Variants in DCN observed in about 807,000 individuals in gnomAD.
DCN encodes the protein bone proteoglycan II.
In DCN, 17 loss-of-function variants were observed where a neutral mutation model predicts 36.5. The ratio of observed to expected loss-of-function variants is 0.47; its 90% CI spans 0.32 to 0.70. The LOEUF (loss-of-function observed/expected upper bound fraction) is 0.70. DCN is among the 30% of genes least tolerant of loss of function. The pLI is 0.04. For missense variants in DCN, 389 were observed against 430.1 expected, an observed-to-expected ratio of 0.90 and a Z score of 0.84; for synonymous variants, 163 against 161.4, an observed-to-expected ratio of 1.01 and a Z score of -0.07.
chr12:91,144,814 C>T lies in DCN; in HGVS notation c.*1244G>A, dbSNP rs1017722924. On this transcript the variant is annotated 3_prime_UTR_variant, in exon 8 of 8. Transcript: ENST00000052754. ...CTCAAGTTTTTCATGTTCCACTGCA[C>T]TCATTCTGCTACTATTAGCAGAATT... 4 of 152,158 alleles carry T rather than the reference C, an allele frequency of 2.6e-5. No homozygotes were observed. The highest frequency in any genetic ancestry group is 5.9e-5 in the Non-Finnish European group (4 of 68,032). The allele number at this position is 152,158 out of a possible 1,614,324, so 9.4% of individuals were successfully genotyped here. A position where few individuals can be genotyped will look rare whatever the true frequency, so the allele number is the denominator to read the frequency against.
chr12:91,178,636 G>T, intron 1 of DCN, 51 bp from the exon 2 acceptor site: 1 of 1,139,890 alleles, frequency 8.8e-7, no homozygotes, highest in Non-Finnish European at 1.3e-6. Context: ...TAATCTGTGT[G>T]TCGTTTCTTA....
chr12:91,173,263 G>A (rs1883087671), intron 2 of DCN, among the ~76,000 whole-genome samples: 1 of 152,124 alleles, frequency 6.6e-6, no homozygotes, highest in Non-Finnish European at 1.5e-5. Flanking sequence ...CCTGGAGCTA[G>A]GGATGTTCTT....
rs369704080 is a variant in DCN at position 91,160,669 on chromosome 12, A to G, written c.325-2160T>C. ...TTATAAGAATTAAATAAGTTAATGTATATAAGGTACTAAGAATAGTGCCTA... is the reference window on the plus strand; with the variant it reads ...TTATAAGAATTAAATAAGTTAATGTGTATAAGGTACTAAGAATAGTGCCTA... On this transcript the variant is annotated intron_variant, in intron 3 of 7. Coordinates refer to ENST00000052754, the MANE Select transcript of DCN (RefSeq NM_001920.5). Among the ~76,000 whole-genome samples the G allele has an allele frequency of 4.6e-5, 7 of 152,258 alleles. No homozygotes were observed. The South Asian group carries it at 1.4e-3, about 32-fold the overall frequency.
At position 91,158,400 on chromosome 12, in the gene DCN, G is replaced by T; in HGVS notation, c.434C>A (p.Pro145Gln). 1 of 1,611,724 alleles carries T rather than the reference G, an allele frequency of 6.2e-7. No homozygotes were observed. The highest frequency in any genetic ancestry group is 8.5e-7 in the Non-Finnish European group (1 of 1,177,898). The change falls in exon 4 of 8, where the codon CCA (proline) becomes CAA (glutamine). Residue 145 changes from proline to glutamine, a missense_variant. Transcript: ENST00000052754. Reference protein sequence around the residue: ...YLSKNQLKELPEKMPKTLQEL... With the variant: ...YLSKNQLKELQEKMPKTLQEL... Reference sequence around the variant, plus strand: ...CTGAAGAGTTTTGGGCATTTTTTCTGGCAATTCCTTCAGCTGATTCTTGGA... The same window carrying T: ...CTGAAGAGTTTTGGGCATTTTTTCTTGCAATTCCTTCAGCTGATTCTTGGA...
chr12:91,179,596 G>A (rs999378955), intron 1 of DCN: 1 of 152,012 alleles, frequency 6.6e-6, no homozygotes, highest in African/African-American at 2.4e-5. Context: ...TTCTGTACCC[G>A]GGCCTTGCAC....
chr12:91,170,546 C>G (rs3138197), intron 2 of DCN, among the ~76,000 whole-genome samples: 1 of 152,294 alleles, frequency 6.6e-6, no homozygotes, highest in East Asian at 1.9e-4. Context: ...AGCACATGAT[C>G]CCCAATGAGT....
chr12:91,142,053 G>T lies in DCN; in HGVS notation c.*4005C>A, dbSNP rs1880769769. The T allele has an allele frequency of 6.6e-6, 1 of 152,166 alleles. No individual in the cohort carries two copies. 9.4% of individuals were successfully genotyped at this position (152,166 alleles called of 1,614,324 possible). A position where few individuals can be genotyped will look rare whatever the true frequency, so the allele number is the denominator to read the frequency against. ...TTGTTTTCCACTATTATACTTTGTG[G>T]TGTGAAATTGACAGTCTGTCACAGA... On this transcript the variant is annotated 3_prime_UTR_variant, in exon 8 of 8. Transcript: ENST00000052754.
chr12:91,144,223 G>A lies in DCN; in HGVS notation c.*1835C>T, dbSNP rs568925781. 6.6e-6 allele frequency: 1 copy of A among 152,204 alleles called. No individual in the cohort carries two copies. Among genetic ancestry groups the A allele is most frequent in the East Asian group, 1.9e-4 (1 of 5,172 alleles). 9.4% of individuals were successfully genotyped at this position (152,204 alleles called of 1,614,324 possible). A position where few individuals can be genotyped will look rare whatever the true frequency, so the allele number is the denominator to read the frequency against. Reference sequence around the variant, plus strand: ...CGTCACTCAAGGCTACACCATAAAGGGTGAATCATTCAAGGTTACAATAAG... The same window carrying A: ...CGTCACTCAAGGCTACACCATAAAGAGTGAATCATTCAAGGTTACAATAAG... On this transcript the variant is annotated 3_prime_UTR_variant, in exon 8 of 8. Transcript: ENST00000052754.
intron 1 of DCN, chr12:91,179,308 C>T (rs1228085716): frequency 6.6e-6 from 1 of 152,432 alleles, no homozygotes; most frequent in Non-Finnish European, 1.5e-5. Flanking sequence ...ACTCCATTCC[C>T]AGTCCTCACC....
chr12:91,159,032 T>G lies in DCN; in HGVS notation c.325-523A>C, dbSNP rs561694475. ...GAGAAGGGAAATGTAATAAGATATA[T>G]AATATATACATAAACATACATGCAC... On this transcript the variant is annotated intron_variant, in intron 3 of 7. Transcript: ENST00000052754. 5.9e-5 allele frequency among the ~76,000 whole-genome samples: 9 copies of G among 152,092 alleles called. No individual in the cohort carries two copies. In the East Asian group the frequency reaches 1.7e-3, roughly 29 times the overall value.
intron 4 of DCN, 36 bp downstream of exon 4, chr12:91,158,260 T>G (rs971671690): frequency 2.3e-5 from 30 of 1,325,928 alleles, no homozygotes; most frequent in African/African-American, 1.6e-4. Flanking sequence ...GATAAAAACT[T>G]GAGTTTTGGT....
At chr12:91,166,898 G>C (rs1456358313) in intron 2 of DCN, among the ~76,000 whole-genome samples, 1 of 151,962 alleles carries the variant, frequency 6.6e-6, no homozygotes, top group Non-Finnish European at 1.5e-5. Flanking sequence ...ATGTTTATTG[G>C]GGGGATTTCA....
chr12:91,163,780 CT>C (rs1247605235), intron 3 of DCN, among the ~76,000 whole-genome samples: 4 of 152,030 alleles, frequency 2.6e-5, no homozygotes, highest in Non-Finnish European at 2.9e-5. Flanking sequence ...GAATAATTAT[CT>C]TTTTTTCACT....
chr12:91,142,584 C>T lies in DCN; in HGVS notation c.*3474G>A, dbSNP rs368578150. The T allele has an allele frequency of 2.6e-5, 4 of 152,278 alleles. No individual in the cohort carries two copies. Among genetic ancestry groups the T allele is most frequent in the African/African-American group, 7.2e-5 (3 of 41,552 alleles). The allele number at this position is 152,278 out of a possible 1,614,324, so 9.4% of individuals were successfully genotyped here. On this transcript the variant is annotated 3_prime_UTR_variant, in exon 8 of 8. Transcript: ENST00000052754. ...TGCCTAATTTATGTCATGAGAATTA[C>T]ATAGTAACATTTATTGCCAGATCAA...
chr12:91,161,185 G>A (rs965897881), intron 3 of DCN, among the ~76,000 whole-genome samples: 2 of 152,164 alleles, frequency 1.3e-5, no homozygotes, highest in East Asian at 3.9e-4. Flanking sequence ...GAAAGAAAGA[G>A]ATTGTCAAGA....
intron 2 of DCN, among the ~76,000 whole-genome samples, chr12:91,165,169 C>G (rs1882472161): frequency 6.6e-6 from 1 of 152,164 alleles, no homozygotes; most frequent in Non-Finnish European, 1.5e-5. Flanking sequence ...ATACACCTAA[C>G]CCTGTCACAG....
intron 4 of DCN, among the ~76,000 whole-genome samples, chr12:91,158,020 A>T (rs1243884597): frequency 6.6e-6 from 1 of 152,180 alleles, no homozygotes; most frequent in African/African-American, 2.4e-5. Flanking sequence ...GTAGTTAAGC[A>T]CTATTTAAAC....
rs910787006 is a variant in DCN at position 91,144,449 on chromosome 12, T to TG, written c.*1608dup. 6.6e-6 allele frequency: 1 copy of TG among 151,950 alleles called. No individual in the cohort carries two copies. Among genetic ancestry groups the TG allele is most frequent in the Non-Finnish European group, 1.5e-5 (1 of 67,990 alleles). The allele number at this position is 151,950 out of a possible 1,614,324, so 9.4% of individuals were successfully genotyped here. Reference sequence around the variant, plus strand: ...CATGAGAGGAGGATCTCTTGGGAGATGAAAAAGAGAAGAAAAAGAGAGGTT... The same window carrying TG: ...CATGAGAGGAGGATCTCTTGGGAGATGGAAAAAGAGAAGAAAAAGAGAGGTT... On this transcript the variant is annotated 3_prime_UTR_variant, in exon 8 of 8. Coordinates refer to ENST00000052754, the MANE Select transcript of DCN (RefSeq NM_001920.5).
At position 91,153,100 on chromosome 12, in the gene DCN, C is replaced by A. The variant is rs757427966; in HGVS notation, c.742G>T (p.Ala248Ser). The A allele has an allele frequency of 8.3e-6, 13 of 1,570,636 alleles. No individual in the cohort carries two copies. The South Asian group carries it at 1.3e-4, about 16-fold the overall frequency. The change falls in exon 6 of 8, where the codon GCT becomes TCT. Residue 248 changes from alanine to serine, a missense_variant. Ala to Ser is a moderately conservative substitution (Grantham distance 99, BLOSUM62 1). Coordinates refer to ENST00000052754, the MANE Select transcript of DCN (RefSeq NM_001920.5). ...GTCATGAAAGAATATTATTACTTAGCCAAATTATTCAGTCCTTTCAGGCTA... is the reference window on the plus strand; with the variant it reads ...GTCATGAAAGAATATTATTACTTAGACAAATTATTCAGTCCTTTCAGGCTA... ...AASLKGLNNL[A>S]KLGLSFNSIS...
Sources: allele counts gnomAD v4.1 joint callset (sites outside exome capture counted in the v4.1 genomes callset), GRCh38; gene constraint gnomAD v4.1.1; transcripts MANE v1.5; gene names NCBI Gene and HGNC (gene_info 2026-07-23, HGNC 2026-07-21).